The following PLB1 variants were observed in gnomAD, a reference collection of about 807,000 sequenced individuals.
The protein encoded by PLB1 is phospholipase B1, also known as phospholipase B1, membrane-associated.
Under a neutral mutation model 227.4 loss-of-function variants are expected in PLB1, and 242 were observed. That is an observed-to-expected ratio of 1.06 (90% CI 0.96 to 1.18). The LOEUF is 1.18. Among genes scored for constraint, PLB1 ranks in the 50% most tolerant of loss-of-function variants. The pLI is 0.00. For missense variants in PLB1, 1,858 were observed against 1,816.3 expected (o/e 1.02, Z -0.42); for synonymous variants, 757 against 682.2 (o/e 1.11, Z -1.71).
chr2:28,583,587 G>T (rs770828552), intron 25 of PLB1, among the ~76,000 whole-genome samples: 2 of 152,128 alleles, frequency 1.3e-5, no homozygotes, highest in African/African-American at 4.8e-5. Context: ...TGCACAGCAC[G>T]CAGTTTATTC....
chr2:28,619,650 C>T (rs1016381549), intron 46 of PLB1, among the ~76,000 whole-genome samples: 2 of 151,512 alleles, frequency 1.3e-5, no homozygotes, highest in African/African-American at 4.9e-5. Flanking sequence ...TTCAGCATTC[C>T]ATGAGGGTAT....
chr2:28,577,968 G>C, intron 21 of PLB1, 139 bp from the exon 22 acceptor site: 1 of 803,344 alleles, frequency 1.2e-6, no homozygotes, highest in Non-Finnish European at 2.1e-6. Context: ...GAAGCTCTGC[G>C]ACACGGCCTT....
intron 50 of PLB1, among the ~76,000 whole-genome samples, chr2:28,625,894 C>A (rs116018341): frequency 0.027 from 4,025 of 150,862 alleles, 65 homozygotes; most frequent in Non-Finnish European, 0.041. Flanking sequence ...AGCAGAACCC[C>A]GTCCCCCGCC....
At chr2:28,543,027 C>T (rs543179560) in intron 13 of PLB1, among the ~76,000 whole-genome samples, 185 bp from the exon 14 acceptor site, 2 of 152,126 alleles carry the variant, frequency 1.3e-5, no homozygotes, top group Non-Finnish European at 2.9e-5. Context: ...AGGCCCTGAC[C>T]TCAGGGCCCT....
intron 56 of PLB1, among the ~76,000 whole-genome samples, chr2:28,636,035 GTGTGTGTATGTA>G (rs372794115): frequency 5.9e-5 from 9 of 151,408 alleles, no homozygotes; most frequent in Non-Finnish European, 1.0e-4. Flanking sequence ...GTGTATGTGT[GTGTGTGTATGTA>G]TGTGTATGTG....
chr2:28,563,007 C>T, intron 17 of PLB1, 34 bp from the exon 18 acceptor site: 1 of 1,590,276 alleles, frequency 6.3e-7, no homozygotes, highest in East Asian at 2.2e-5. Context: ...TCCTGGAAGC[C>T]CCATTTTCCA....
chr2:28,603,910 C>A (rs1309305478), intron 39 of PLB1, 56 bp from the exon 40 acceptor site: 12 of 1,527,422 alleles, frequency 7.9e-6, no homozygotes, highest in African/African-American at 1.4e-5. Context: ...CAATCAGAAC[C>A]AGCCCCTGAT....
At position 28,625,917 on chromosome 2, in the gene PLB1, C is replaced by CA. The variant is rs951807151; in HGVS notation, c.3580-499dup. On this transcript the variant is annotated intron_variant, in intron 50 of 57. Coordinates refer to ENST00000327757, the MANE Select transcript of PLB1 (RefSeq NM_153021.5). The stretch of plus-strand genomic sequence containing the variant: ...CCCGTCCCCCGCCAGCGCCCACCGC[C>CA]AAAAAAAAAAAACATCCTCTCTGTG... Among the ~76,000 whole-genome samples the CA allele has an allele frequency of 4.1e-3, 544 of 133,260 alleles. 2 individuals are homozygous for CA. Among genetic ancestry groups the CA allele is most frequent in the Admixed American group, 5.3e-3 (70 of 13,330 alleles). 87.4% of individuals were successfully genotyped at this position (133,260 alleles called of 152,430 possible).
intron 8 of PLB1, among the ~76,000 whole-genome samples, chr2:28,530,944 T>G (rs1670928942): frequency 6.6e-6 from 1 of 152,208 alleles, no homozygotes; most frequent in South Asian, 2.1e-4. Context: ...ACCCTGTAAT[T>G]TTCCAGATGA....
At chr2:28,558,986 A>G (rs1181261779) in intron 17 of PLB1, among the ~76,000 whole-genome samples, 2 of 152,060 alleles carry the variant, frequency 1.3e-5, no homozygotes, top group Non-Finnish European at 2.9e-5. Flanking sequence ...TGGCCTCCCT[A>G]AGTGCTGGGA....
chr2:28,631,104 T>G (rs1285604638), intron 54 of PLB1, among the ~76,000 whole-genome samples: 2 of 150,404 alleles, frequency 1.3e-5, no homozygotes, highest in African/African-American at 4.9e-5. Flanking sequence ...CTGTTAGCTA[T>G]GATGATGCCA....
intron 17 of PLB1, among the ~76,000 whole-genome samples, chr2:28,556,524 TA>T (rs1391297869): frequency 6.6e-6 from 1 of 152,220 alleles, no homozygotes; most frequent in African/African-American, 2.4e-5. Flanking sequence ...ATGGACTTTA[TA>T]ACTTTGTAAA....
At chr2:28,502,110 G>T (rs1378720017) in intron 1 of PLB1, among the ~76,000 whole-genome samples, 2 of 152,078 alleles carry the variant, frequency 1.3e-5, no homozygotes, top group Non-Finnish European at 2.9e-5. Flanking sequence ...ATATGAAATT[G>T]CTTATTTTTT....
Position 28,543,072 on chromosome 2 carries a change from A to G in PLB1, c.880-140A>G, listed in dbSNP as rs540040859. The G allele has an allele frequency of 1.1e-4, 89 of 810,378 alleles. 1 individual carries two copies. The highest frequency in any genetic ancestry group is 1.6e-4 in the Non-Finnish European group (86 of 540,404). 50.2% of individuals were successfully genotyped at this position (810,378 alleles called of 1,614,324 possible). ...CGGTGGTCCCATAAGTGCCCCTGTT[A>G]TTGATGAGGGGCTGAGAGAAAAGGC... On this transcript the variant is annotated intron_variant, in intron 13 of 57. Coordinates refer to ENST00000327757, the MANE Select transcript of PLB1 (RefSeq NM_153021.5).
chr2:28,566,421 GAA>G (rs1676913174), intron 19 of PLB1: 1 of 189,686 alleles, frequency 5.3e-6, no homozygotes, highest in Admixed American at 5.7e-5. Context: ...AGCAGGAAGA[GAA>G]GAGAGAAAAA....
intron 1 of PLB1, among the ~76,000 whole-genome samples, chr2:28,513,068 A>G (rs1359531697): frequency 6.6e-6 from 1 of 152,058 alleles, no homozygotes; most frequent in Non-Finnish European, 1.5e-5. Context: ...TCCTTCATTT[A>G]TTTCCATATT....
chr2:28,549,870 C>A, intron 15 of PLB1, 140 bp from the exon 16 acceptor site: 1 of 609,870 alleles, frequency 1.6e-6, no homozygotes, highest in Non-Finnish European at 2.9e-6. Flanking sequence ...AGAGAAGAGC[C>A]AGAGAATGGT....
intron 19 of PLB1, 139 bp downstream of exon 19, chr2:28,565,492 T>C: frequency 1.4e-6 from 1 of 716,020 alleles, no homozygotes; most frequent in Non-Finnish European, 2.3e-6. Context: ...CTAGGTTTAA[T>C]TTGAAAAAGG....
intron 1 of PLB1, among the ~76,000 whole-genome samples, chr2:28,499,198 T>C (rs1386152045): frequency 6.6e-6 from 1 of 152,190 alleles, no homozygotes; most frequent in Admixed American, 6.5e-5. Flanking sequence ...TTATATATTC[T>C]TTTGGGTTTT....
Sources: gnomAD v4.1 joint callset for allele counts (sites outside exome capture counted in the v4.1 genomes callset) on GRCh38, gnomAD v4.1.1 for gene constraint, MANE v1.5 for transcripts, NCBI Gene and HGNC (gene_info 2026-07-23, HGNC 2026-07-21) for gene names.